Variants in STK32B observed in about 807,000 individuals in gnomAD.
The protein encoded by STK32B is serine/threonine kinase 32B.
In STK32B, 43 loss-of-function variants were observed where a neutral mutation model predicts 52.6. The observed-to-expected ratio is 0.82, with a 90% CI of 0.64 to 1.05. STK32B has a LOEUF of 1.05. Among genes scored for constraint, STK32B ranks in the 50% least tolerant of loss-of-function variants. The pLI, the probability that STK32B is intolerant of heterozygous loss-of-function variation, is 0.00. For synonymous variants in STK32B, 238 were observed against 204.3 expected (o/e 1.17, Z -1.41); for missense variants, 621 against 534.6 (o/e 1.16, Z -1.59).
At chr4:5,165,901 G>C (rs1718833944) in intron 2 of STK32B, among the ~76,000 whole-genome samples, 1 of 152,178 alleles carries the variant, frequency 6.6e-6, no homozygotes, top group Non-Finnish European at 1.5e-5. Context: ...AGATGCAGTT[G>C]ACATTTATCG....
intron 1 of STK32B, among the ~76,000 whole-genome samples, chr4:5,068,295 T>TC (rs1472475072): frequency 1.3e-5 from 2 of 152,148 alleles, no homozygotes; most frequent in Admixed American, 1.3e-4. Flanking sequence ...TCTTCCCCCG[T>TC]CTGAGTCTCA....
intron 2 of STK32B, among the ~76,000 whole-genome samples, chr4:5,158,526 T>C (rs1718049547): frequency 1.3e-5 from 2 of 152,156 alleles, no homozygotes; most frequent in Admixed American, 6.5e-5. Context: ...ATTGTATACT[T>C]AGGATCCTCT....
chr4:5,286,352 T>C (rs1249123149), intron 3 of STK32B, among the ~76,000 whole-genome samples: 1 of 152,218 alleles, frequency 6.6e-6, no homozygotes, highest in East Asian at 1.9e-4. Flanking sequence ...ATAAGATCTA[T>C]GGAGAAGTGC....
chr4:5,459,806 A>C (rs550556168), intron 8 of STK32B, among the ~76,000 whole-genome samples: 54 of 152,334 alleles, frequency 3.5e-4, no homozygotes, highest in African/African-American at 1.2e-3. Context: ...TCAGAGAGGC[A>C]GCCTGTTACA....
rs28712118 is a variant in STK32B at position 5,468,388 on chromosome 4, G to A, written c.1106+318G>A. On this transcript the variant is annotated intron_variant, in intron 11 of 11. Coordinates refer to ENST00000282908, the MANE Select transcript of STK32B (RefSeq NM_018401.3). ...GCTCACTGTGATGAAAAGTAAGAGC[G>A]CTGGGGTCAAGTTGCCTGGGGCCAA... Among the ~76,000 whole-genome samples, 1,371 of 152,308 alleles carry A rather than the reference G, an allele frequency of 9.0e-3. 24 individuals carry two copies. Among genetic ancestry groups the A allele is most frequent in the African/African-American group, 0.03 (1,247 of 41,572 alleles).
the STK32B span, among the ~76,000 whole-genome samples, chr4:5,033,090 A>C: frequency 6.6e-6 from 1 of 152,048 alleles, no homozygotes; most frequent in East Asian, 1.9e-4. Context: ...TATTTATGTA[A>C]CTTCCAGCCC....
chr4:5,482,189 T>G (rs1718773459), intron 11 of STK32B, among the ~76,000 whole-genome samples: 1 of 152,238 alleles, frequency 6.6e-6, no homozygotes, highest in African/African-American at 2.4e-5. Flanking sequence ...ATGGCCATTT[T>G]CACGATATTG....
At chr4:5,449,670 G>A (rs989692997) in intron 7 of STK32B, among the ~76,000 whole-genome samples, 1 of 152,160 alleles carries the variant, frequency 6.6e-6, no homozygotes, top group African/African-American at 2.4e-5. Context: ...AGCTTCCTCT[G>A]TATTTAGAGC....
At chr4:5,075,372 A>G (rs1712015869) in intron 1 of STK32B, among the ~76,000 whole-genome samples, 1 of 152,206 alleles carries the variant, frequency 6.6e-6, no homozygotes, top group Non-Finnish European at 1.5e-5. Flanking sequence ...ATTAATGTCC[A>G]TGACATTGAT....
rs1461506966 is a variant in STK32B, at chr4:5,500,213, T to G, written c.*1130T>G. On this transcript the variant is annotated 3_prime_UTR_variant, in exon 12 of 12. Transcript: ENST00000282908. The stretch of plus-strand genomic sequence containing the variant: ...GTGTTCAGAATCCAGCCCTGCTGGC[T>G]ACTAACTAACTGGGAGACCTTAGGC... The G allele has an allele frequency of 6.6e-6, 1 of 152,046 alleles. No individual in the cohort carries two copies. Among genetic ancestry groups the G allele is most frequent in the Non-Finnish European group, 1.5e-5 (1 of 68,008 alleles). 9.4% of individuals were successfully genotyped at this position (152,046 alleles called of 1,614,324 possible).
At chr4:5,247,906 A>T (rs1725580398) in intron 3 of STK32B, among the ~76,000 whole-genome samples, 1 of 152,114 alleles carries the variant, frequency 6.6e-6, no homozygotes, top group Admixed American at 6.5e-5. Flanking sequence ...CTTCTTGCAT[A>T]GACCCAGGGC....
intron 2 of STK32B, among the ~76,000 whole-genome samples, chr4:5,151,961 G>T (rs756367684): frequency 6.6e-6 from 1 of 152,138 alleles, no homozygotes. Flanking sequence ...ATGACCATAT[G>T]ATGTGCCTGT....
At position 5,371,874 on chromosome 4, in the gene STK32B, G is replaced by C. The variant is rs1234640819; in HGVS notation, c.435-26333G>C. Among the ~76,000 whole-genome samples the C allele has an allele frequency of 3.3e-5, 5 of 152,326 alleles. No homozygotes were observed. The East Asian group carries it at 9.7e-4, about 29-fold the overall frequency. On this transcript the variant is annotated intron_variant, in intron 4 of 11. Coordinates refer to ENST00000282908, the MANE Select transcript of STK32B (RefSeq NM_018401.3). ...CTGGAGGGAGTCTTTTCCCAATTCA[G>C]ACAAAAGTACTGTGTAAGCTCATTT...
the STK32B span, among the ~76,000 whole-genome samples, chr4:5,022,868 C>T: frequency 6.6e-6 from 1 of 152,168 alleles, no homozygotes; most frequent in African/African-American, 2.4e-5. Flanking sequence ...GCAGCTGACA[C>T]TCTGGGTGAG....
At chr4:5,473,290 G>A (rs906073574) in intron 11 of STK32B, among the ~76,000 whole-genome samples, 1 of 152,168 alleles carries the variant, frequency 6.6e-6, no homozygotes, top group Non-Finnish European at 1.5e-5. Flanking sequence ...CTGGTGGCAC[G>A]AGCTTTCAGA....
chr4:5,065,998 A>C (rs539584413), intron 1 of STK32B, among the ~76,000 whole-genome samples: 2 of 152,310 alleles, frequency 1.3e-5, no homozygotes, highest in South Asian at 4.1e-4. Flanking sequence ...TGCTGGGATT[A>C]CAGGTGTGAG....
Position 5,068,193 on chromosome 4 carries a change from A to G in STK32B, c.52+16278A>G, listed in dbSNP as rs536950248. Among the ~76,000 whole-genome samples, 8 of 152,278 alleles carry G rather than the reference A, an allele frequency of 5.3e-5. No individual in the cohort carries two copies. The East Asian group carries it at 9.7e-4, about 18-fold the overall frequency. ...AATAACTTTTGCAGCAACCTAATAT[A>G]ATGGTGAAGTCTGAAATTTTAGTGC... is the stretch of plus-strand genomic sequence containing the variant. On this transcript the variant is annotated intron_variant, in intron 1 of 11. Transcript: ENST00000282908.
At chr4:5,292,384 C>T (rs1258414960) in intron 3 of STK32B, among the ~76,000 whole-genome samples, 1 of 152,072 alleles carries the variant, frequency 6.6e-6, no homozygotes, top group Non-Finnish European at 1.5e-5. Context: ...TTGCATTTCT[C>T]TGATGATTAG....
chr4:5,497,258 G>A (rs1720350524), intron 11 of STK32B, among the ~76,000 whole-genome samples: 1 of 152,176 alleles, frequency 6.6e-6, no homozygotes, highest in Non-Finnish European at 1.5e-5. Context: ...GAATGTTCTG[G>A]TCTAATGTCA....
Sources: allele counts gnomAD v4.1 joint callset (sites outside exome capture counted in the v4.1 genomes callset), GRCh38; gene constraint gnomAD v4.1.1; transcripts MANE v1.5; gene names NCBI Gene and HGNC (gene_info 2026-07-23, HGNC 2026-07-21).